FRMD5: variants seen among roughly 807,000 people sequenced by gnomAD.
FRMD5 encodes the protein FERM domain-containing protein 5.
Under a neutral mutation model 69.0 loss-of-function variants are expected in FRMD5, and 20 were observed. The ratio of observed to expected loss-of-function variants is 0.29; its 90% CI spans 0.20 to 0.42. FRMD5 has a LOEUF of 0.42. FRMD5 is among the 10% of genes least tolerant of loss of function. The probability of loss-of-function intolerance (pLI) is 1.00; values close to 1 mark genes in which losing one functional copy is unlikely to be tolerated. For synonymous variants in FRMD5, 271 were observed against 260.1 expected, an observed-to-expected ratio of 1.04 and a Z score of -0.40; for missense variants, 595 against 708.6, an observed-to-expected ratio of 0.84 and a Z score of 1.82.
chr15:44,017,762 T>C (rs906432856), intron 1 of FRMD5, among the ~76,000 whole-genome samples: 4 of 151,890 alleles, frequency 2.6e-5, no homozygotes, highest in Non-Finnish European at 5.9e-5. Context: ...CCCGCCACCA[T>C]GCCCAGCTAA....
intron 1 of FRMD5, among the ~76,000 whole-genome samples, chr15:44,189,683 G>A (rs1040622594): frequency 6.6e-6 from 1 of 151,948 alleles, no homozygotes; most frequent in South Asian, 2.1e-4. Context: ...TAGAGACGGG[G>A]GTTTTACCAT....
Position 43,871,718 on chromosome 15 carries a change from TG to T in FRMD5, c.*2166del, listed in dbSNP as rs1350898390. ...TTTATAATTCTGCCTAAATTGTTGC[TG>T]GTATGAAAATGGTCAGAGAAGCCCT... On this transcript the variant is annotated 3_prime_UTR_variant, in exon 14 of 14. Transcript: ENST00000417257. The T allele has an allele frequency of 9.9e-5, 15 of 152,258 alleles. No homozygotes were observed. The highest frequency in any genetic ancestry group is 2.1e-4 in the Non-Finnish European group (14 of 68,046). 9.4% of individuals were successfully genotyped at this position (152,258 alleles called of 1,614,324 possible). A position where few individuals can be genotyped will look rare whatever the true frequency, so the allele number is the denominator to read the frequency against.
chr15:43,949,144 C>G (rs896781123), intron 1 of FRMD5, among the ~76,000 whole-genome samples: 4 of 152,180 alleles, frequency 2.6e-5, no homozygotes, highest in Admixed American at 2.0e-4. Context: ...CCAATGGGGA[C>G]ACCTCAGGCA....
chr15:44,028,407 A>G (rs1891533901), intron 1 of FRMD5, among the ~76,000 whole-genome samples: 1 of 152,204 alleles, frequency 6.6e-6, no homozygotes, highest in Non-Finnish European at 1.5e-5. Context: ...AGTTTGTTAA[A>G]TAAGTGAGGA....
At chr15:44,125,260 C>G (rs900526573) in intron 1 of FRMD5, among the ~76,000 whole-genome samples, 4 of 151,858 alleles carry the variant, frequency 2.6e-5, no homozygotes, top group Non-Finnish European at 4.4e-5. Context: ...TAGGATCATG[C>G]CACTGCACTC....
intron 1 of FRMD5, among the ~76,000 whole-genome samples, chr15:44,062,605 G>C (rs1422651422): frequency 6.6e-6 from 1 of 150,394 alleles, no homozygotes; most frequent in Admixed American, 6.7e-5. Context: ...GCAGAGAACT[G>C]CTTGAACCTG....
intron 1 of FRMD5, among the ~76,000 whole-genome samples, chr15:44,084,406 T>C (rs975486659): frequency 1.3e-5 from 2 of 152,064 alleles, no homozygotes; most frequent in African/African-American, 2.4e-5. Flanking sequence ...GTCATCTTGC[T>C]CCTGTTTGGA....
At chr15:44,055,977 C>G (rs954881284) in intron 1 of FRMD5, among the ~76,000 whole-genome samples, 1 of 152,182 alleles carries the variant, frequency 6.6e-6, no homozygotes, top group Admixed American at 6.5e-5. Context: ...CCTCCTTATC[C>G]TGGTACTTCT....
intron 1 of FRMD5, among the ~76,000 whole-genome samples, chr15:44,155,115 A>G (rs2077506131): frequency 6.6e-6 from 1 of 152,174 alleles, no homozygotes; most frequent in African/African-American, 2.4e-5. Context: ...GTGAGGAGAC[A>G]GTACAGCATA....
chr15:43,894,709 C>T (rs1278490931), intron 7 of FRMD5, among the ~76,000 whole-genome samples: 2 of 152,060 alleles, frequency 1.3e-5, no homozygotes, highest in African/African-American at 2.4e-5. Flanking sequence ...CCCCCCTCTG[C>T]TTCTTCCACT....
intron 1 of FRMD5, among the ~76,000 whole-genome samples, chr15:44,156,757 T>A (rs1382312076): frequency 6.6e-6 from 1 of 152,180 alleles, no homozygotes; most frequent in South Asian, 2.1e-4. Flanking sequence ...CATTATATGT[T>A]TGGTGCTGTA....
chr15:44,055,994 T>C (rs932913563), intron 1 of FRMD5, among the ~76,000 whole-genome samples: 6 of 152,242 alleles, frequency 3.9e-5, no homozygotes, highest in Admixed American at 3.3e-4. Context: ...TTCTTCCCAT[T>C]TGTCCCCAAA....
intron 1 of FRMD5, among the ~76,000 whole-genome samples, chr15:44,065,708 C>G (rs1893281504): frequency 6.6e-6 from 1 of 152,146 alleles, no homozygotes; most frequent in Admixed American, 6.5e-5. Context: ...TACCAACCAG[C>G]TAACAGTAGT....
At chr15:44,121,871 T>C (rs2076956209) in intron 1 of FRMD5, among the ~76,000 whole-genome samples, 1 of 151,282 alleles carries the variant, frequency 6.6e-6, no homozygotes, top group Admixed American at 6.6e-5. Context: ...AGCGTGTGCC[T>C]GTAGTCCCAG....
At chr15:44,004,588 TAGAAGATGGCAAA>T (rs1890354299) in intron 1 of FRMD5, among the ~76,000 whole-genome samples, 1 of 152,232 alleles carries the variant, frequency 6.6e-6, no homozygotes, top group South Asian at 2.1e-4. Context: ...GCCATGCCCA[TAGAAGATGGCAAA>T]CTTAACAAAT....
intron 1 of FRMD5, among the ~76,000 whole-genome samples, chr15:43,971,468 G>C (rs1426851386): frequency 4.6e-5 from 7 of 151,350 alleles, no homozygotes; most frequent in Non-Finnish European, 1.0e-4. Context: ...GGCGGATCAC[G>C]AGGTCAGGAG....
intron 1 of FRMD5, among the ~76,000 whole-genome samples, chr15:43,961,807 A>G (rs1195594404): frequency 6.6e-6 from 1 of 152,220 alleles, no homozygotes. Flanking sequence ...CAAAAACCAC[A>G]TGATTATCTC....
At chr15:43,976,916 C>T (rs560354702) in intron 1 of FRMD5, among the ~76,000 whole-genome samples, 1 of 151,824 alleles carries the variant, frequency 6.6e-6, no homozygotes, top group East Asian at 1.9e-4. Flanking sequence ...CTGCAATCTC[C>T]GCCTCCTGGG....
chr15:44,164,387 T>C (rs549605083), intron 1 of FRMD5, among the ~76,000 whole-genome samples: 1 of 152,218 alleles, frequency 6.6e-6, no homozygotes, highest in Non-Finnish European at 1.5e-5. Flanking sequence ...TGGTCATTTT[T>C]TTTTTGCAGA....
Sources: allele counts gnomAD v4.1 joint callset (sites outside exome capture counted in the v4.1 genomes callset), GRCh38; gene constraint gnomAD v4.1.1; transcripts MANE v1.5; gene names NCBI Gene and HGNC (gene_info 2026-07-23, HGNC 2026-07-21).